SOX6: variants seen among roughly 807,000 people sequenced by gnomAD.
The protein encoded by SOX6 is SRY-box transcription factor 6, also known as transcription factor SOX-6.
Under a neutral mutation model 97.8 loss-of-function variants are expected in SOX6, and 11 were observed. That is an observed-to-expected ratio of 0.11 (90% CI 0.07 to 0.19). The LOEUF is 0.19. Ranked by LOEUF, SOX6 falls within the 10% of genes least tolerant of loss-of-function variation. The probability of loss-of-function intolerance (pLI) is 1.00; values close to 1 mark genes in which losing one functional copy is unlikely to be tolerated. For missense variants in SOX6, 810 were observed against 1,039.5 expected, an observed-to-expected ratio of 0.78 and a Z score of 3.04; for synonymous variants, 360 against 371.4, an observed-to-expected ratio of 0.97 and a Z score of 0.35.
chr11:16,234,666 A>T lies in SOX6; in HGVS notation c.451T>A (p.Ser151Thr), dbSNP rs775162039. 1 of 1,556,738 alleles carries T rather than the reference A, an allele frequency of 6.4e-7. No individual in the cohort carries two copies. Among genetic ancestry groups the T allele is most frequent in the Admixed American group, 1.7e-5 (1 of 58,644 alleles). ...EMTRTEQEDS[S>T]CMEKLLSKDW... ...TTTGAAAGTAGTTTTTCCATGCAGG[A>T]GGAATCTATTAAAATACAAAAGTAA... Residue 151 changes from serine (S) to threonine (T), a missense_variant, in exon 4 of 16, where the codon TCC (serine) becomes ACC (threonine). Transcript: ENST00000683767.
At chr11:16,112,258 T>C (rs1239096274) in intron 6 of SOX6, among the ~76,000 whole-genome samples, 1 of 152,220 alleles carries the variant, frequency 6.6e-6, no homozygotes, top group African/African-American at 2.4e-5. Flanking sequence ...TTTCTAGCAC[T>C]GTACAATGTT....
intron 3 of SOX6, among the ~76,000 whole-genome samples, chr11:16,660,059 CAA>C (rs1847754559): frequency 6.6e-6 from 1 of 151,934 alleles, no homozygotes; most frequent in Non-Finnish European, 1.5e-5. Flanking sequence ...TTAATCTTTT[CAA>C]AGAGCCAACT....
At chr11:16,040,632 T>C (rs895885634) in intron 12 of SOX6, among the ~76,000 whole-genome samples, 2 of 152,098 alleles carry the variant, frequency 1.3e-5, no homozygotes, top group Admixed American at 1.3e-4. Flanking sequence ...CTCATAATTT[T>C]AGCATTCACT....
intron 4 of SOX6, among the ~76,000 whole-genome samples, chr11:16,226,347 T>TC (rs1852690145): frequency 6.6e-6 from 1 of 151,604 alleles, no homozygotes; most frequent in East Asian, 1.9e-4. Flanking sequence ...GTTTTTTTTT[T>TC]CTCTCTTATC....
At chr11:16,088,217 G>T (rs1020088715) in intron 9 of SOX6, among the ~76,000 whole-genome samples, 1 of 152,032 alleles carries the variant, frequency 6.6e-6, no homozygotes, top group Non-Finnish European at 1.5e-5. Context: ...TCCCATACAT[G>T]TACAGTCTCC....
intron 4 of SOX6, among the ~76,000 whole-genome samples, chr11:16,499,603 C>G (rs190611292): frequency 6.6e-6 from 1 of 151,952 alleles, no homozygotes; most frequent in African/African-American, 2.4e-5. Context: ...ATCAAATAGA[C>G]GCAATAAAAA....
At chr11:16,315,775 C>G (rs535493882) in intron 3 of SOX6, 6 of 152,258 alleles carry the variant, frequency 3.9e-5, no homozygotes, top group Non-Finnish European at 8.8e-5. Context: ...TTTAAAGACA[C>G]CATCATGTCA....
chr11:16,708,223 T>C (rs981414141), intron 3 of SOX6, among the ~76,000 whole-genome samples: 1 of 152,244 alleles, frequency 6.6e-6, no homozygotes, highest in African/African-American at 2.4e-5. Context: ...TGAAATTCAT[T>C]GATCTTACGT....
intron 6 of SOX6, among the ~76,000 whole-genome samples, chr11:16,178,346 A>G (rs548066360): frequency 6.6e-6 from 1 of 152,138 alleles, no homozygotes; most frequent in East Asian, 1.9e-4. Context: ...AGCAGACTAT[A>G]GAGCATCTAT....
intron 6 of SOX6, among the ~76,000 whole-genome samples, chr11:16,158,013 C>T (rs1191614238): frequency 6.6e-6 from 1 of 151,976 alleles, no homozygotes; most frequent in African/African-American, 2.4e-5. Context: ...ATATTGTTGC[C>T]ATTTACTAGA....
intron 3 of SOX6, among the ~76,000 whole-genome samples, chr11:16,627,450 C>T (rs1565197252): frequency 6.6e-6 from 1 of 152,160 alleles, no homozygotes; most frequent in Non-Finnish European, 1.5e-5. Flanking sequence ...GTATAAGCCT[C>T]GCCAGCATTT....
At chr11:16,645,980 T>C (rs1849008005) in intron 3 of SOX6, 1 of 152,194 alleles carries the variant, frequency 6.6e-6, no homozygotes. Flanking sequence ...TGTTATCTTA[T>C]TCTCACAGAT....
rs1013627318 is a variant in SOX6 at position 16,252,192 on chromosome 11, G to A, written c.446-17521C>T. On this transcript the variant is annotated intron_variant, in intron 3 of 15. Transcript: ENST00000683767. ...AAAAAGAACATATCGTAGACTTCCC[G>A]TTTCCAGTCCAGCATATAAGGAACT... Among the ~76,000 whole-genome samples the A allele has an allele frequency of 3.9e-5, 6 of 152,260 alleles. No homozygotes were observed. In the Middle Eastern group the frequency reaches 0.01, roughly 259 times the overall value.
At chr11:16,067,199 C>A (rs1230576608) in intron 9 of SOX6, among the ~76,000 whole-genome samples, 1 of 152,094 alleles carries the variant, frequency 6.6e-6, no homozygotes, top group Non-Finnish European at 1.5e-5. Flanking sequence ...GCTGGAAAGG[C>A]ATGATTGTGT....
intron 3 of SOX6, among the ~76,000 whole-genome samples, chr11:16,304,059 G>C (rs1007174542): frequency 1.3e-5 from 2 of 151,944 alleles, no homozygotes; most frequent in Non-Finnish European, 1.5e-5. Flanking sequence ...GGGATTACAA[G>C]CACACGCCAC....
At chr11:16,458,292 C>G (rs940482224) in intron 1 of SOX6, among the ~76,000 whole-genome samples, 2 of 152,036 alleles carry the variant, frequency 1.3e-5, no homozygotes, top group African/African-American at 4.8e-5. Flanking sequence ...GCAGATATTT[C>G]TCTAAGAGCT....
chr11:16,246,181 C>T (rs1332790869), intron 3 of SOX6, among the ~76,000 whole-genome samples: 2 of 151,302 alleles, frequency 1.3e-5, no homozygotes, highest in Non-Finnish European at 3.0e-5. Flanking sequence ...AACTTTAAAA[C>T]ACCTTTATTT....
At chr11:16,653,375 T>C (rs183393367) in intron 3 of SOX6, among the ~76,000 whole-genome samples, 1 of 152,018 alleles carries the variant, frequency 6.6e-6, no homozygotes, top group Admixed American at 6.6e-5. Context: ...CAAACACCCA[T>C]CAGCCAACAA....
intron 1 of SOX6, among the ~76,000 whole-genome samples, chr11:16,469,173 G>A (rs982393191): frequency 2.9e-4 from 44 of 152,038 alleles, no homozygotes; most frequent in Non-Finnish European, 5.7e-4. Flanking sequence ...GTTTAATAGT[G>A]CCAGTAAAAT....
Sources: gnomAD v4.1 joint callset for allele counts (sites outside exome capture counted in the v4.1 genomes callset) on GRCh38, gnomAD v4.1.1 for gene constraint, MANE v1.5 for transcripts, NCBI Gene and HGNC (gene_info 2026-07-23, HGNC 2026-07-21) for gene names.